The following BMPR2 variants were observed in gnomAD, a reference collection of about 807,000 sequenced individuals.
BMPR2 encodes the protein bone morphogenetic protein receptor type 2.
A neutral mutation model predicts 100.8 loss-of-function variants in BMPR2; 29 were observed. That is an observed-to-expected ratio of 0.29 (90% CI 0.21 to 0.39). The LOEUF (loss-of-function observed/expected upper bound fraction) is 0.39. BMPR2 is among the 10% of genes least tolerant of loss of function. The pLI is 1.00. For synonymous variants in BMPR2, 382 were observed against 442.3 expected, an observed-to-expected ratio of 0.86 and a Z score of 1.71; for missense variants, 1,011 against 1,274.5, an observed-to-expected ratio of 0.79 and a Z score of 3.15.
intron 3 of BMPR2, among the ~76,000 whole-genome samples, chr2:202,509,642 T>C (rs976371461): frequency 1.3e-5 from 2 of 151,888 alleles, no homozygotes; most frequent in African/African-American, 4.8e-5. Flanking sequence ...TTTTCAGGTT[T>C]TTCCAAAATC....
chr2:202,434,936 T>TAATATATATATATATA (rs1491131086), intron 1 of BMPR2, among the ~76,000 whole-genome samples: 1 of 117,578 alleles, frequency 8.5e-6, no homozygotes. Flanking sequence ...TATATATATA[T>TAATATATATATATATA]TTATTTATTT....
At chr2:202,490,226 C>T (rs895252051) in intron 3 of BMPR2, among the ~76,000 whole-genome samples, 17 of 152,090 alleles carry the variant, frequency 1.1e-4, no homozygotes, top group African/African-American at 3.6e-4. Flanking sequence ...CCATCTATCA[C>T]GAGGCCGTGG....
chr2:202,497,146 G>A (rs1446315056), intron 3 of BMPR2, among the ~76,000 whole-genome samples: 7 of 152,220 alleles, frequency 4.6e-5, no homozygotes, highest in African/African-American at 9.6e-5. Context: ...CTGCCTTCCC[G>A]CGGGGCAGGG....
chr2:202,391,284 T>G (rs1690543462), intron 1 of BMPR2, among the ~76,000 whole-genome samples: 1 of 151,780 alleles, frequency 6.6e-6, no homozygotes, highest in Admixed American at 6.6e-5. Flanking sequence ...GTAAGTAGTC[T>G]TATAGTTTTG....
chr2:202,426,338 T>C (rs112054978), intron 1 of BMPR2, among the ~76,000 whole-genome samples: 24,830 of 152,080 alleles, frequency 0.16, 2,403 homozygotes, highest in Middle Eastern at 0.24. Flanking sequence ...CCCAGCACTT[T>C]GGGAGGTCAT....
In BMPR2 at chr2:202,517,609, C is replaced by T. The variant is rs969929514; in HGVS notation, c.622-1213C>T. Among the ~76,000 whole-genome samples, 4 of 151,892 alleles carry T rather than the reference C, an allele frequency of 2.6e-5. No individual in the cohort carries two copies. In the South Asian group the frequency reaches 6.2e-4, roughly 24 times the overall value. ...TCGTGATCCACCCGCCTCAGCCTCCCAAAGTGCTGGGATTACAGGCGTGAG... is the reference window on the plus strand; with the variant it reads ...TCGTGATCCACCCGCCTCAGCCTCCTAAAGTGCTGGGATTACAGGCGTGAG... On this transcript the variant is annotated intron_variant, in intron 5 of 12. Coordinates refer to ENST00000374580, the MANE Select transcript of BMPR2 (RefSeq NM_001204.7).
chr2:202,493,380 T>C (rs943521032), intron 3 of BMPR2, among the ~76,000 whole-genome samples: 3 of 152,104 alleles, frequency 2.0e-5, no homozygotes, highest in Non-Finnish European at 2.9e-5. Flanking sequence ...ATAGAGGTAA[T>C]TAAAGTAGAA....
chr2:202,458,282 G>GAAAAAAAAA (rs1559044718), intron 1 of BMPR2, among the ~76,000 whole-genome samples: 1 of 45,410 alleles, frequency 2.2e-5, no homozygotes, highest in African/African-American at 8.2e-5. Context: ...CCTTGTCTCT[G>GAAAAAAAAA]CAAAAAAAAA....
chr2:202,559,569 T>TGAATTTCAAG, intron 12 of BMPR2, 127 bp from the exon 13 acceptor site: 1 of 1,055,984 alleles, frequency 9.5e-7, no homozygotes, highest in South Asian at 1.4e-5. Context: ...TCTGGCATTA[T>TGAATTTCAAG]GAATTTCAAG....
intron 1 of BMPR2, among the ~76,000 whole-genome samples, chr2:202,412,277 A>G (rs1282931243): frequency 6.6e-6 from 1 of 152,210 alleles, no homozygotes; most frequent in East Asian, 1.9e-4. Flanking sequence ...AAGAAACAAA[A>G]CGAAATCACC....
At chr2:202,418,105 G>T (rs184856421) in intron 1 of BMPR2, among the ~76,000 whole-genome samples, 8 of 152,192 alleles carry the variant, frequency 5.3e-5, no homozygotes, top group Non-Finnish European at 1.0e-4. Flanking sequence ...AGAAACCAAA[G>T]AATTCATGTG....
At chr2:202,393,399 A>G (rs1377385793) in intron 1 of BMPR2, among the ~76,000 whole-genome samples, 1 of 152,114 alleles carries the variant, frequency 6.6e-6, no homozygotes, top group Non-Finnish European at 1.5e-5. Context: ...TTTGATCTAT[A>G]CTGGAGTAGG....
At chr2:202,461,140 G>A (rs1281348129) in intron 1 of BMPR2, among the ~76,000 whole-genome samples, 5 of 151,970 alleles carry the variant, frequency 3.3e-5, no homozygotes, top group East Asian at 3.9e-4. Flanking sequence ...CGCTGCACTC[G>A]GCCACACCAA....
chr2:202,423,719 A>T (rs1691320736), intron 1 of BMPR2, among the ~76,000 whole-genome samples: 1 of 152,002 alleles, frequency 6.6e-6, no homozygotes, highest in Non-Finnish European at 1.5e-5. Context: ...GCGCCACTGT[A>T]CTCTGGCCTG....
At chr2:202,456,041 G>GGCA (rs1463483093) in intron 1 of BMPR2, among the ~76,000 whole-genome samples, 2 of 103,350 alleles carry the variant, frequency 1.9e-5, no homozygotes, top group Non-Finnish European at 3.5e-5. Context: ...CTCCAAACTG[G>GGCA]GCAACAGGGT....
At chr2:202,388,396 C>CA (rs71406975) in intron 1 of BMPR2, among the ~76,000 whole-genome samples, 19,939 of 36,654 alleles carry the variant, frequency 0.54, 5,955 homozygotes, top group Non-Finnish European at 0.6. Context: ...GACTCCATCT[C>CA]AAAAAAAAAA....
At chr2:202,539,672 G>A (rs1259685875) in intron 9 of BMPR2, among the ~76,000 whole-genome samples, 1 of 151,848 alleles carries the variant, frequency 6.6e-6, no homozygotes, top group Non-Finnish European at 1.5e-5. Flanking sequence ...AGAGTGAAAT[G>A]CTACAAAGTT....
chr2:202,509,011 CTAAA>C (rs1229459628), intron 3 of BMPR2, among the ~76,000 whole-genome samples: 1 of 152,122 alleles, frequency 6.6e-6, no homozygotes, highest in African/African-American at 2.4e-5. Flanking sequence ...GAATCTAACT[CTAAA>C]TATGAAAAAG....
intron 1 of BMPR2, among the ~76,000 whole-genome samples, chr2:202,403,456 C>T (rs1690813901): frequency 1.3e-5 from 2 of 152,140 alleles, no homozygotes; most frequent in Admixed American, 6.5e-5. Flanking sequence ...CCTTCTCCTT[C>T]CAAAGTGCTG....
Sources: gnomAD v4.1 joint callset for allele counts (sites outside exome capture counted in the v4.1 genomes callset) on GRCh38, gnomAD v4.1.1 for gene constraint, MANE v1.5 for transcripts, NCBI Gene and HGNC (gene_info 2026-07-23, HGNC 2026-07-21) for gene names.